Variants in CLSTN2 observed in about 807,000 individuals in gnomAD.
The protein encoded by CLSTN2 is calsyntenin 2.
A neutral mutation model predicts 101.2 loss-of-function variants in CLSTN2; 48 were observed. That is an observed-to-expected ratio of 0.47 (90% CI 0.38 to 0.60). The LOEUF (loss-of-function observed/expected upper bound fraction) is 0.60, where lower values mean the gene tolerates loss of function less well. Among genes scored for constraint, CLSTN2 ranks in the 20% least tolerant of loss-of-function variants. CLSTN2 has a pLI of 0.00. For missense variants in CLSTN2, 1,160 were observed against 1,238.2 expected, an observed-to-expected ratio of 0.94 and a Z score of 0.95; for synonymous variants, 481 against 463.6, an observed-to-expected ratio of 1.04 and a Z score of -0.48.
At chr3:140,272,007 T>C (rs1467601815) in intron 2 of CLSTN2, among the ~76,000 whole-genome samples, 2 of 152,224 alleles carry the variant, frequency 1.3e-5, no homozygotes, top group South Asian at 2.1e-4. Flanking sequence ...ATAATAGCGG[T>C]GTTTAGAGCA....
In CLSTN2 at chr3:139,978,559, A is replaced by T. The variant is rs117005447; in HGVS notation, c.109+43076A>T. 2.5e-3 allele frequency among the ~76,000 whole-genome samples: 386 copies of T among 152,266 alleles called. 4 individuals carry two copies. In the East Asian group the frequency reaches 0.042, roughly 17 times the overall value. On this transcript the variant is annotated intron_variant, in intron 1 of 16. Transcript: ENST00000458420. ...TCTCTGTGACTTAGCTGGGAATAGCATCTATAGTCATCATTGTGTAAACAC... is the reference window on the plus strand; with the variant it reads ...TCTCTGTGACTTAGCTGGGAATAGCTTCTATAGTCATCATTGTGTAAACAC...
At chr3:140,337,543 G>A (rs945648882) in intron 2 of CLSTN2, among the ~76,000 whole-genome samples, 1 of 152,130 alleles carries the variant, frequency 6.6e-6, no homozygotes, top group Non-Finnish European at 1.5e-5. Context: ...ACATTCACAG[G>A]TACCAGGGAG....
intron 1 of CLSTN2, among the ~76,000 whole-genome samples, chr3:139,973,609 T>TTC (rs992450223): frequency 6.6e-6 from 1 of 151,888 alleles, no homozygotes; most frequent in African/African-American, 2.4e-5. Flanking sequence ...ATGGTACTCT[T>TTC]TCTCTCTCTC....
intron 2 of CLSTN2, among the ~76,000 whole-genome samples, chr3:140,357,270 A>G (rs534740976): frequency 8.5e-5 from 13 of 152,300 alleles, no homozygotes; most frequent in Non-Finnish European, 1.5e-4. Flanking sequence ...CGAATCTTCT[A>G]AAGTTGCAAC....
chr3:140,182,920 G>T (rs180791152), intron 2 of CLSTN2, among the ~76,000 whole-genome samples: 1 of 152,206 alleles, frequency 6.6e-6, no homozygotes, highest in African/African-American at 2.4e-5. Flanking sequence ...AAAGCCCATG[G>T]AGGAAAGCTG....
intron 1 of CLSTN2, among the ~76,000 whole-genome samples, chr3:140,055,170 C>T (rs1207520678): frequency 6.6e-6 from 1 of 152,172 alleles, no homozygotes; most frequent in Non-Finnish European, 1.5e-5. Context: ...ATTTCATCAC[C>T]TGCTGCTTCC....
At chr3:140,330,420 T>C (rs2087371628) in intron 2 of CLSTN2, among the ~76,000 whole-genome samples, 1 of 152,184 alleles carries the variant, frequency 6.6e-6, no homozygotes, top group Non-Finnish European at 1.5e-5. Flanking sequence ...ACCTGTCTTT[T>C]AAAGGTATAA....
intron 2 of CLSTN2, among the ~76,000 whole-genome samples, chr3:140,368,433 G>A (rs111411910): frequency 3.3e-5 from 5 of 152,232 alleles, no homozygotes; most frequent in East Asian, 1.9e-4. Flanking sequence ...GGCTGGATGC[G>A]CCCTTAACCA....
intron 6 of CLSTN2, chr3:140,449,301 G>T (rs1396039656): frequency 2.6e-5 from 4 of 152,312 alleles, no homozygotes; most frequent in Non-Finnish European, 5.9e-5. Context: ...TGACAAAGCT[G>T]GTCTTACCAA....
At chr3:139,941,461 C>T (rs1935129267) in intron 1 of CLSTN2, among the ~76,000 whole-genome samples, 1 of 152,166 alleles carries the variant, frequency 6.6e-6, no homozygotes, top group Admixed American at 6.6e-5. Flanking sequence ...AAGATAAAAG[C>T]AAGTTCCAAT....
At position 140,419,692 on chromosome 3, in the gene CLSTN2, C is replaced by CATATAT. The variant is rs1427548934; in HGVS notation, c.638-1433_638-1432insATATAT. ...ATGAATATGTATATACGTATATATA[C>CATATAT]GTATATGAATATGTATATATGTATA... On this transcript the variant is annotated intron_variant, in intron 4 of 16. Transcript: ENST00000458420. Among the ~76,000 whole-genome samples the CATATAT allele has an allele frequency of 5.1e-4, 30 of 59,336 alleles. 10 individuals carry two copies. The East Asian group carries it at 8.9e-3, about 18-fold the overall frequency. The allele number at this position is 59,336 out of a possible 152,430, so 38.9% of individuals were successfully genotyped here. A position where few individuals can be genotyped will look rare whatever the true frequency, so the allele number is the denominator to read the frequency against.
At chr3:140,309,136 A>T (rs1215929381) in intron 2 of CLSTN2, among the ~76,000 whole-genome samples, 1 of 152,236 alleles carries the variant, frequency 6.6e-6, no homozygotes, top group Admixed American at 6.5e-5. Flanking sequence ...CATTAAGCAC[A>T]TAACTAAACA....
intron 8 of CLSTN2, among the ~76,000 whole-genome samples, chr3:140,476,205 A>T (rs1933979798): frequency 6.6e-6 from 1 of 152,184 alleles, no homozygotes; most frequent in Non-Finnish European, 1.5e-5. Flanking sequence ...TTGAATCCTA[A>T]TATGTAATGG....
In CLSTN2 at chr3:140,373,736, T is replaced by G. The variant is rs567934769; in HGVS notation, c.233-29893T>G. Among the ~76,000 whole-genome samples the G allele has an allele frequency of 6.6e-5, 10 of 152,364 alleles. No homozygotes were observed. The South Asian group carries it at 1.9e-3, about 28-fold the overall frequency. The stretch of plus-strand genomic sequence containing the variant: ...ACACCATCATGTGTGAGGCTCTGAC[T>G]GTTGGTAAGTCAGGAAATGCAATTG... On this transcript the variant is annotated intron_variant, in intron 2 of 16. Transcript: ENST00000458420.
At chr3:140,562,343 T>G (rs1935933985) in intron 13 of CLSTN2, 35 bp downstream of exon 13, 1 of 1,583,942 alleles carries the variant, frequency 6.3e-7, no homozygotes, top group African/African-American at 1.3e-5. Flanking sequence ...GCCCCAAGGG[T>G]GTCCTCTTAG....
Position 140,567,736 on chromosome 3 carries a change from A to G in CLSTN2, c.*1483A>G, listed in dbSNP as rs1985338149. On this transcript the variant is annotated 3_prime_UTR_variant, in exon 17 of 17. Coordinates refer to ENST00000458420, the MANE Select transcript of CLSTN2 (RefSeq NM_022131.3). The stretch of plus-strand genomic sequence containing the variant: ...CTTCACTCCTCCTCAAGCTCACACC[A>G]ATTGGTTTGGCACAGGCACAGAGCT... 6.6e-6 allele frequency: 1 copy of G among 152,170 alleles called. No homozygotes were observed. Among genetic ancestry groups the G allele is most frequent in the Admixed American group, 6.5e-5 (1 of 15,276 alleles). The allele number at this position is 152,170 out of a possible 1,614,324, so 9.4% of individuals were successfully genotyped here.
At position 140,565,959 on chromosome 3, in the gene CLSTN2, G is replaced by C. The variant is rs545366822; in HGVS notation, c.2668-94G>C. ...CTAAAAGAAGAAATTCCAAGGGGCC[G>C]TAAATGTTTCCTTAATGGATGGAGA... On this transcript the variant is annotated intron_variant, in intron 16 of 16. Coordinates refer to ENST00000458420, the MANE Select transcript of CLSTN2 (RefSeq NM_022131.3). 2.7e-6 allele frequency: 4 copies of C among 1,491,478 alleles called. No individual in the cohort carries two copies. In the South Asian group the frequency reaches 4.8e-5, roughly 18 times the overall value. The allele number at this position is 1,491,478 out of a possible 1,614,324, so 92.4% of individuals were successfully genotyped here.
At chr3:140,259,412 T>A (rs2086631100) in intron 2 of CLSTN2, among the ~76,000 whole-genome samples, 1 of 152,118 alleles carries the variant, frequency 6.6e-6, no homozygotes, top group African/African-American at 2.4e-5. Context: ...AGGCAGAGGT[T>A]GCAATGAGCT....
intron 1 of CLSTN2, among the ~76,000 whole-genome samples, chr3:139,969,861 G>A (rs1452856167): frequency 1.3e-5 from 2 of 152,022 alleles, no homozygotes; most frequent in Non-Finnish European, 2.9e-5. Flanking sequence ...CCCACATCAT[G>A]GCATTGATTC....
Sources: gnomAD v4.1 joint callset for allele counts (sites outside exome capture counted in the v4.1 genomes callset) on GRCh38, gnomAD v4.1.1 for gene constraint, MANE v1.5 for transcripts, NCBI Gene and HGNC (gene_info 2026-07-23, HGNC 2026-07-21) for gene names.